Variants in THADA observed in about 807,000 individuals in gnomAD.
THADA encodes tRNA (32-2'-O)-methyltransferase regulator THADA.
Under a neutral mutation model 219.8 loss-of-function variants are expected in THADA, and 213 were observed. The observed-to-expected ratio is 0.97, with a 90% CI of 0.87 to 1.09. THADA has a LOEUF of 1.09. Among genes scored for constraint, THADA ranks in the 50% least tolerant of loss-of-function variants. THADA has a pLI of 0.00. For synonymous variants in THADA, 1,018 were observed against 828.9 expected (o/e 1.23, Z -3.92); for missense variants, 2,956 against 2,311.3 (o/e 1.28, Z -5.72).
At chr2:43,272,783 C>T (rs534918753) in intron 36 of THADA, among the ~76,000 whole-genome samples, 3 of 151,934 alleles carry the variant, frequency 2.0e-5, no homozygotes, top group Non-Finnish European at 4.4e-5. Context: ...CACCACTACA[C>T]TTGGCTAATT....
At chr2:43,580,707 T>C (rs921013202) in intron 8 of THADA, among the ~76,000 whole-genome samples, 1 of 151,522 alleles carries the variant, frequency 6.6e-6, no homozygotes, top group Non-Finnish European at 1.5e-5. Flanking sequence ...AAAGCCCGTC[T>C]ATATTAAAAA....
chr2:43,264,856 T>A (rs138305061), intron 36 of THADA, among the ~76,000 whole-genome samples: 1 of 152,342 alleles, frequency 6.6e-6, no homozygotes, highest in Non-Finnish European at 1.5e-5. Context: ...ACCGTGAACA[T>A]GACAACCATT....
chr2:43,308,944 T>C (rs1677190455), intron 31 of THADA, among the ~76,000 whole-genome samples: 1 of 151,966 alleles, frequency 6.6e-6, no homozygotes, highest in Admixed American at 6.6e-5. Context: ...GCATAAAAAG[T>C]CTAAAACACA....
chr2:43,343,158 G>C (rs767597738), intron 30 of THADA: 1 of 152,214 alleles, frequency 6.6e-6, no homozygotes, highest in African/African-American at 2.4e-5. Flanking sequence ...CTCCCAAGTA[G>C]TTGGGACTAC....
chr2:43,380,063 A>C (rs2104651510), intron 29 of THADA, among the ~76,000 whole-genome samples: 1 of 152,334 alleles, frequency 6.6e-6, no homozygotes, highest in African/African-American at 2.4e-5. Context: ...GAAAGTTTTT[A>C]GGGTGTGGAA....
At position 43,270,071 on chromosome 2, in the gene THADA, G is replaced by T. The variant is rs1671954669; in HGVS notation, c.5296+9694C>A. On this transcript the variant is annotated intron_variant, in intron 36 of 37. Coordinates refer to ENST00000405975, the MANE Select transcript of THADA (RefSeq NM_022065.5). Reference sequence around the variant, plus strand: ...CCCCTGCCAGCTCCTCTCTACCCGAGTCTGGATTATTCTCAGGGGGCATCC... The same window carrying T: ...CCCCTGCCAGCTCCTCTCTACCCGATTCTGGATTATTCTCAGGGGGCATCC... Among the ~76,000 whole-genome samples, 3 of 152,148 alleles carry T rather than the reference G, an allele frequency of 2.0e-5. No individual in the cohort carries two copies. In the South Asian group the frequency reaches 6.2e-4, roughly 31 times the overall value.
chr2:43,315,898 C>T (rs1288570644), intron 31 of THADA, among the ~76,000 whole-genome samples: 1 of 152,228 alleles, frequency 6.6e-6, no homozygotes, highest in Non-Finnish European at 1.5e-5. Flanking sequence ...TGTCTTAGAT[C>T]GTCCAATGAA....
intron 29 of THADA, among the ~76,000 whole-genome samples, chr2:43,397,474 T>A (rs533626627): frequency 1.4e-4 from 22 of 152,242 alleles, no homozygotes; most frequent in Non-Finnish European, 3.1e-4. Context: ...TTCAAAGTAA[T>A]AAGTTTTTTT....
chr2:43,307,042 T>A (rs1676945725), intron 31 of THADA, among the ~76,000 whole-genome samples: 1 of 152,214 alleles, frequency 6.6e-6, no homozygotes, highest in African/African-American at 2.4e-5. Flanking sequence ...TTTGCTTCTG[T>A]CTATGAAAGA....
At chr2:43,411,861 T>C (rs1676349553) in intron 28 of THADA, among the ~76,000 whole-genome samples, 1 of 152,164 alleles carries the variant, frequency 6.6e-6, no homozygotes, top group Admixed American at 6.5e-5. Flanking sequence ...ATGAGAAGAA[T>C]CACATTGCCT....
rs199712314 is a variant in THADA, at chr2:43,293,036, G to A, written c.4616C>T (p.Thr1539Met). 2.7e-5 allele frequency: 44 copies of A among 1,613,932 alleles called. No homozygotes were observed. The highest frequency in any genetic ancestry group is 1.7e-4 in the African/African-American group (13 of 75,012). ...CTGAGAGAAAGAGATGGGGACATTCGTCTCCCGCTCTCCACTCTTGGCTGC... is the reference window on the plus strand; with the variant it reads ...CTGAGAGAAAGAGATGGGGACATTCATCTCCCGCTCTCCACTCTTGGCTGC... ...AAAAKSGERETNVPISFSQLL... is the reference protein window; with the variant it reads ...AAAAKSGEREMNVPISFSQLL... Residue 1539 changes from threonine to methionine, a missense_variant, in exon 32 of 38, where the codon ACG (threonine) becomes ATG (methionine). Transcript: ENST00000405975.
intron 26 of THADA, among the ~76,000 whole-genome samples, chr2:43,438,195 G>A (rs950200205): frequency 1.3e-5 from 2 of 151,488 alleles, no homozygotes; most frequent in Non-Finnish European, 2.9e-5. Context: ...CCAGCTACTC[G>A]GGAGGCTGAG....
At chr2:43,273,223 G>A (rs1184976024) in intron 36 of THADA, among the ~76,000 whole-genome samples, 6 of 150,666 alleles carry the variant, frequency 4.0e-5, no homozygotes, top group Non-Finnish European at 5.9e-5. Flanking sequence ...CTGCACTCTC[G>A]CCTGGGCGCC....
intron 25 of THADA, among the ~76,000 whole-genome samples, chr2:43,494,094 T>G (rs1343554135): frequency 1.3e-5 from 2 of 152,234 alleles, no homozygotes; most frequent in Non-Finnish European, 2.9e-5. Context: ...TCACTGGACA[T>G]GCGATCTGGC....
At position 43,385,555 on chromosome 2, in the gene THADA, G is replaced by A. The variant is rs368578795; in HGVS notation, c.4227+12416C>T. Among the ~76,000 whole-genome samples, 16 of 149,376 alleles carry A rather than the reference G, an allele frequency of 1.1e-4. No individual in the cohort carries two copies. In the South Asian group the frequency reaches 3.0e-3, roughly 28 times the overall value. ...CCGGAAGGCGGAGCTTGCCGTGAGC[G>A]GAGATCAAGCCACTGCACTCCAGCC... On this transcript the variant is annotated intron_variant, in intron 29 of 37. Transcript: ENST00000405975.
chr2:43,311,099 C>T (rs1044160712), intron 31 of THADA, among the ~76,000 whole-genome samples: 4 of 152,204 alleles, frequency 2.6e-5, no homozygotes, highest in Non-Finnish European at 4.4e-5. Flanking sequence ...TCGCTTGAAA[C>T]CGGGAGGCGG....
chr2:43,586,663 C>G (rs1377215337), intron 6 of THADA, 39 bp downstream of exon 6: 1 of 1,590,638 alleles, frequency 6.3e-7, no homozygotes, highest in Non-Finnish European at 8.6e-7. Context: ...CTCATACAAG[C>G]CATCAACTCA....
At chr2:43,272,012 G>A (rs556852962) in intron 36 of THADA, among the ~76,000 whole-genome samples, 1 of 152,296 alleles carries the variant, frequency 6.6e-6, no homozygotes, top group South Asian at 2.1e-4. Flanking sequence ...GCAAATAACT[G>A]GGTGGTTACT....
At chr2:43,482,663 A>T (rs997732334) in intron 26 of THADA, among the ~76,000 whole-genome samples, 1 of 152,196 alleles carries the variant, frequency 6.6e-6, no homozygotes, top group Non-Finnish European at 1.5e-5. Context: ...TTATTCCTAT[A>T]TGCCTTCTAT....
Sources: allele counts gnomAD v4.1 joint callset (sites outside exome capture counted in the v4.1 genomes callset), GRCh38; gene constraint gnomAD v4.1.1; transcripts MANE v1.5; gene names NCBI Gene and HGNC (gene_info 2026-07-23, HGNC 2026-07-21).